Variants in PRKAR1B observed in about 807,000 individuals in gnomAD.
The protein encoded by PRKAR1B is protein kinase cAMP-dependent type I regulatory subunit beta.
Under a neutral mutation model 46.5 loss-of-function variants are expected in PRKAR1B, and 22 were observed. That is an observed-to-expected ratio of 0.47 (90% CI 0.34 to 0.68). The LOEUF (loss-of-function observed/expected upper bound fraction) is 0.68. Ranked by LOEUF, PRKAR1B falls within the 30% of genes least tolerant of loss-of-function variation. The pLI is 0.01. For synonymous variants in PRKAR1B, 259 were observed against 217.7 expected, an observed-to-expected ratio of 1.19 and a Z score of -1.67; for missense variants, 445 against 535.6, an observed-to-expected ratio of 0.83 and a Z score of 1.67.
intron 9 of PRKAR1B, among the ~76,000 whole-genome samples, chr7:578,297 C>T (rs533839372): frequency 5.9e-5 from 9 of 152,328 alleles, no homozygotes; most frequent in Admixed American, 3.3e-4. Flanking sequence ...CAACAGTCTG[C>T]GTGCGGCCAC....
chr7:675,262 C>T (rs112174509), intron 4 of PRKAR1B, among the ~76,000 whole-genome samples: 1,620 of 152,332 alleles, frequency 0.011, 25 homozygotes, highest in Middle Eastern at 0.031. Context: ...ACCCATCACC[C>T]CATCACTGGC....
At chr7:639,311 G>T (rs1424744174) in intron 4 of PRKAR1B, among the ~76,000 whole-genome samples, 4 of 152,158 alleles carry the variant, frequency 2.6e-5, no homozygotes, top group Non-Finnish European at 4.4e-5. Flanking sequence ...TCCAACCAGG[G>T]TGCCAAGGCA....
At chr7:680,754 G>A (rs372359732) in intron 2 of PRKAR1B, 28 bp from the exon 3 acceptor site, 1 of 1,613,356 alleles carries the variant, frequency 6.2e-7, no homozygotes, top group South Asian at 1.1e-5. Flanking sequence ...ACACAGAAAG[G>A]AAGTAAGAAC....
At chr7:691,743 G>A (rs753612753) in intron 2 of PRKAR1B, 71 of 1,234,292 alleles carry the variant, frequency 5.8e-5, no homozygotes, top group Non-Finnish European at 7.3e-5. Context: ...AATCCAGGGT[G>A]CTGAGGGGAT....
At chr7:642,482 T>G (rs1784436205) in intron 4 of PRKAR1B, among the ~76,000 whole-genome samples, 1 of 152,060 alleles carries the variant, frequency 6.6e-6, no homozygotes, top group Non-Finnish European at 1.5e-5. Context: ...TCCCAGCACT[T>G]TGGGGGGCCG....
chr7:680,453 C>A (rs1452135272), intron 3 of PRKAR1B, 103 bp downstream of exon 3: 3 of 1,182,858 alleles, frequency 2.5e-6, no homozygotes, highest in East Asian at 2.7e-5. Flanking sequence ...GACACTGAGA[C>A]CCCCAGGAGG....
chr7:666,720 G>T lies in PRKAR1B; in HGVS notation c.440+10509C>A, dbSNP rs533184928. On this transcript the variant is annotated intron_variant, in intron 4 of 10. Transcript: ENST00000537384. This position sits in a 1 kb window ranked among gnomAD's most constrained non-coding sequence, Gnocchi z 4.9. ...CTGTGGGTGCTGGGAGGCCCGGAGC[G>T]GCCTATTCACCAACTCAGGCCCAGG... 6.6e-6 allele frequency among the ~76,000 whole-genome samples: 1 copy of T among 152,224 alleles called. No individual in the cohort carries two copies. Among genetic ancestry groups the T allele is most frequent in the African/African-American group, 2.4e-5 (1 of 41,456 alleles).
chr7:682,621 T>C (rs1338402120), intron 2 of PRKAR1B, among the ~76,000 whole-genome samples: 3 of 152,008 alleles, frequency 2.0e-5, no homozygotes. Context: ...GGCAGGCACC[T>C]GTAGTCCCAG....
intron 9 of PRKAR1B, among the ~76,000 whole-genome samples, chr7:569,413 G>C (rs372474684): frequency 4.3e-4 from 66 of 152,326 alleles, no homozygotes; most frequent in African/African-American, 1.5e-3. Context: ...CAGTTCAGCC[G>C]GGTGCTGGGA....
chr7:695,420 G>T (rs1435567842), intron 2 of PRKAR1B, among the ~76,000 whole-genome samples: 1 of 152,116 alleles, frequency 6.6e-6, no homozygotes, highest in African/African-American at 2.4e-5. Context: ...CTAAGAGAGA[G>T]CCCCGTGCCG....
chr7:648,506 G>C (rs980220268), intron 4 of PRKAR1B, among the ~76,000 whole-genome samples: 1 of 152,180 alleles, frequency 6.6e-6, no homozygotes, highest in African/African-American at 2.4e-5. Context: ...AGCTAGTCAG[G>C]AGGCTGAGGC....
At chr7:628,158 C>T (rs1379132926) in intron 4 of PRKAR1B, among the ~76,000 whole-genome samples, 1 of 152,248 alleles carries the variant, frequency 6.6e-6, no homozygotes, top group Non-Finnish European at 1.5e-5. Context: ...CCACATCAGG[C>T]ACCCCTGGGG....
chr7:680,489 G>A (rs1778607691), intron 3 of PRKAR1B, 67 bp downstream of exon 3: 1 of 1,466,244 alleles, frequency 6.8e-7, no homozygotes, highest in South Asian at 1.4e-5. Context: ...GGGCTTCCAG[G>A]GAGCTCACAG....
Position 550,218 on chromosome 7 carries a change from G to T in PRKAR1B, c.*212C>A. 1 of 575,018 alleles carries T rather than the reference G, an allele frequency of 1.7e-6. No individual in the cohort carries two copies. The highest frequency in any genetic ancestry group is 3.1e-6 in the Non-Finnish European group (1 of 322,040). The allele number at this position is 575,018 out of a possible 1,614,324, so 35.6% of individuals were successfully genotyped here. A position where few individuals can be genotyped will look rare whatever the true frequency, so the allele number is the denominator to read the frequency against. ...TGGCCTGTCCCTTCCTTGATCTTGG[G>T]ATGCATTTTGTCCGCTTGTCCTTTG... is the stretch of plus-strand genomic sequence containing the variant. On this transcript the variant is annotated 3_prime_UTR_variant, in exon 11 of 11. Coordinates refer to ENST00000537384, the MANE Select transcript of PRKAR1B (RefSeq NM_001164760.2).
intron 9 of PRKAR1B, among the ~76,000 whole-genome samples, chr7:552,400 T>G (rs1162080101): frequency 1.3e-5 from 1 of 78,818 alleles, no homozygotes; most frequent in African/African-American, 5.0e-5. Context: ...CCAGAGCCAC[T>G]GCCACCACCA....
At chr7:652,598 G>A (rs1173724404) in intron 4 of PRKAR1B, among the ~76,000 whole-genome samples, 2 of 152,278 alleles carry the variant, frequency 1.3e-5, no homozygotes, top group Non-Finnish European at 2.9e-5. Flanking sequence ...GACAGTTCAC[G>A]CTCACACAGG....
At chr7:643,722 G>GA (rs113286448) in intron 4 of PRKAR1B, among the ~76,000 whole-genome samples, 89 of 143,632 alleles carry the variant, frequency 6.2e-4, no homozygotes, top group South Asian at 8.9e-4. Context: ...ACTCCATCTT[G>GA]AAAAAAAAAA....
chr7:699,780 G>C (rs1443219184), intron 2 of PRKAR1B, among the ~76,000 whole-genome samples: 1 of 152,226 alleles, frequency 6.6e-6, no homozygotes, highest in African/African-American at 2.4e-5. Flanking sequence ...GCAGGAGCCA[G>C]ACCCCGTGAG....
In PRKAR1B at chr7:550,290, G is replaced by A. The variant is rs778100547; in HGVS notation, c.*140C>T. Reference sequence around the variant, plus strand: ...TCATTTATTCCAAAAAGTGAGTCCGGGGAAGGGGCAGTCCTCACGCTGCCG... The same window carrying A: ...TCATTTATTCCAAAAAGTGAGTCCGAGGAAGGGGCAGTCCTCACGCTGCCG... On this transcript the variant is annotated 3_prime_UTR_variant, in exon 11 of 11. Coordinates refer to ENST00000537384, the MANE Select transcript of PRKAR1B (RefSeq NM_001164760.2). The A allele has an allele frequency of 9.9e-5, 66 of 666,852 alleles. No homozygotes were observed. Among genetic ancestry groups the A allele is most frequent in the Non-Finnish European group, 1.7e-4 (64 of 384,708 alleles). The allele number at this position is 666,852 out of a possible 1,614,324, so 41.3% of individuals were successfully genotyped here.
Sources: allele counts gnomAD v4.1 joint callset (sites outside exome capture counted in the v4.1 genomes callset), GRCh38; gene constraint gnomAD v4.1.1; non-coding constraint Gnocchi (gnomAD v3.1); transcripts MANE v1.5; gene names NCBI Gene and HGNC (gene_info 2026-07-23, HGNC 2026-07-21).